Variants in XRN1 observed in about 807,000 individuals in gnomAD.
XRN1 encodes the protein 5'-3' exoribonuclease 1.
XRN1 carries 67 observed loss-of-function variants against 222.3 expected under a neutral mutation model. That is an observed-to-expected ratio of 0.30 (90% CI 0.25 to 0.37). The LOEUF is 0.37. Ranked by LOEUF, XRN1 falls within the 10% of genes least tolerant of loss-of-function variation. The pLI is 1.00. For synonymous variants in XRN1, 643 were observed against 652.4 expected (o/e 0.99, Z 0.22); for missense variants, 1,707 against 2,000.2 (o/e 0.85, Z 2.80).
chr3:142,423,743 A>C lies in XRN1; in HGVS notation c.628-101T>G, dbSNP rs1209613582. ...ACAATTCTATACAAGGAAGAATAAG[A>C]AACAATTAGCACATTAAATATACAA... is the stretch of plus-strand genomic sequence containing the variant. On this transcript the variant is annotated intron_variant, in intron 5 of 40. Coordinates refer to ENST00000392981, the MANE Select transcript of XRN1 (RefSeq NM_001282857.2). 9.6e-6 allele frequency: 8 copies of C among 830,946 alleles called. No individual in the cohort carries two copies. The East Asian group carries it at 2.3e-4, about 24-fold the overall frequency. The allele number at this position is 830,946 out of a possible 1,614,324, so 51.5% of individuals were successfully genotyped here.
intron 1 of XRN1, among the ~76,000 whole-genome samples, chr3:142,442,390 T>C (rs912134808): frequency 2.0e-5 from 3 of 152,154 alleles, no homozygotes; most frequent in Non-Finnish European, 2.9e-5. Context: ...GAAATGCTTA[T>C]AGAAGGACCC....
At chr3:142,416,865 C>T (rs1017082412) in intron 13 of XRN1, among the ~76,000 whole-genome samples, 4 of 151,840 alleles carry the variant, frequency 2.6e-5, no homozygotes, top group Admixed American at 1.3e-4. Flanking sequence ...AACACCATCT[C>T]TACTAAAAAT....
intron 20 of XRN1, among the ~76,000 whole-genome samples, chr3:142,391,746 AAAAAT>A (rs1475274013): frequency 5.3e-4 from 43 of 81,282 alleles, no homozygotes; most frequent in East Asian, 1.4e-3. Context: ...TAAAAAAAAA[AAAAAT>A]ATATATATAT....
rs1289452541 is a variant in XRN1, at chr3:142,308,133, AAC to A, written c.*3376_*3377del. 2 of 152,212 alleles carry A rather than the reference AAC, an allele frequency of 1.3e-5. No homozygotes were observed. The highest frequency in any genetic ancestry group is 2.9e-5 in the Non-Finnish European group (2 of 68,030). The allele number at this position is 152,212 out of a possible 1,614,324, so 9.4% of individuals were successfully genotyped here. A position where few individuals can be genotyped will look rare whatever the true frequency, so the allele number is the denominator to read the frequency against. ...AAGTAAAAATTAGACAACCACTATA[AAC>A]AGTTATGACTAACACAAATAGAACA... On this transcript the variant is annotated 3_prime_UTR_variant, in exon 41 of 41. Transcript: ENST00000392981.
chr3:142,332,997 T>A lies in XRN1; in HGVS notation c.4032A>T (p.Glu1344Asp). 6.2e-7 allele frequency: 1 copy of A among 1,613,880 alleles called. No homozygotes were observed. Among genetic ancestry groups the A allele is most frequent in the Non-Finnish European group, 8.5e-7 (1 of 1,179,868 alleles). ...CAAATGACTGTGGTGACAAATGCTC[T>A]TCACTTGGAGGCTCCCCATGATGAG... ...QSSHHGEPPS[E>D]EHLSPQSFAM... Residue 1344 changes from glutamate to aspartate, a missense_variant, in exon 35 of 41, where the codon GAA (glutamate) becomes GAT (aspartate). By Grantham distance (45) the Glu-to-Asp change is conservative. Transcript: ENST00000392981.
At chr3:142,442,974 C>G (rs937175149) in intron 1 of XRN1, among the ~76,000 whole-genome samples, 4 of 152,156 alleles carry the variant, frequency 2.6e-5, no homozygotes, top group Admixed American at 6.5e-5. Flanking sequence ...ACCTCGTGAT[C>G]CACCCGCCTC....
intron 20 of XRN1, among the ~76,000 whole-genome samples, chr3:142,387,098 T>G (rs2067532508): frequency 6.6e-6 from 1 of 151,716 alleles, no homozygotes; most frequent in Non-Finnish European, 1.5e-5. Flanking sequence ...AATGGAAAAA[T>G]TGTGCTGTAT....
At chr3:142,400,371 AT>A in intron 19 of XRN1, 72 bp downstream of exon 19, 1 of 1,265,198 alleles carries the variant, frequency 7.9e-7, no homozygotes, top group South Asian at 1.4e-5. Flanking sequence ...AGTTAAAAAA[AT>A]GAATCAATAA....
At chr3:142,382,330 CA>C (rs1301595433) in intron 22 of XRN1, among the ~76,000 whole-genome samples, 1 of 152,110 alleles carries the variant, frequency 6.6e-6, no homozygotes, top group African/African-American at 2.4e-5. Context: ...GCACTCTCTC[CA>C]AATTTACTTC....
At chr3:142,435,799 C>T (rs1401011772) in intron 1 of XRN1, among the ~76,000 whole-genome samples, 2 of 146,738 alleles carry the variant, frequency 1.4e-5, no homozygotes, top group African/African-American at 5.1e-5. Flanking sequence ...TGCAGTGGCT[C>T]ACGCCTGTAA....
At position 142,314,868 on chromosome 3, in the gene XRN1, G is replaced by A. The variant is rs916454464; in HGVS notation, c.4622-2110C>T. Reference sequence around the variant, plus strand: ...TGCAGTGAGCCCTGATCATGCCACTGCACTCCAGCCTGGGTGACAGAGTGG... The same window carrying A: ...TGCAGTGAGCCCTGATCATGCCACTACACTCCAGCCTGGGTGACAGAGTGG... On this transcript the variant is annotated intron_variant, in intron 39 of 40. Transcript: ENST00000392981. Among the ~76,000 whole-genome samples, 3 of 117,202 alleles carry A rather than the reference G, an allele frequency of 2.6e-5. No individual in the cohort carries two copies. In the Admixed American group the frequency reaches 3.5e-4, roughly 14 times the overall value. The allele number at this position is 117,202 out of a possible 152,430, so 76.9% of individuals were successfully genotyped here. A position where few individuals can be genotyped will look rare whatever the true frequency, so the allele number is the denominator to read the frequency against.
In XRN1 at chr3:142,356,863, T is replaced by G. The variant is rs1418567264; in HGVS notation, c.3672+49A>C. On this transcript the variant is annotated intron_variant, in intron 31 of 40. Transcript: ENST00000392981. ...TACATTTACAAAGTCTGCTGTGATT[T>G]GTGATTTGTAAAAGGGGTAGAGGAG... 9.7e-6 allele frequency: 15 copies of G among 1,552,804 alleles called. No homozygotes were observed. The East Asian group carries it at 2.9e-4, about 30-fold the overall frequency.
At chr3:142,357,496 A>G (rs1412130120) in intron 30 of XRN1, among the ~76,000 whole-genome samples, 2 of 152,010 alleles carry the variant, frequency 1.3e-5, no homozygotes, top group Non-Finnish European at 2.9e-5. Flanking sequence ...GCTATATCCT[A>G]ACTCACTGCA....
chr3:142,367,823 A>G (rs1435564033), intron 27 of XRN1, among the ~76,000 whole-genome samples: 10 of 152,004 alleles, frequency 6.6e-5, no homozygotes, highest in Admixed American at 6.6e-4. Context: ...CACCGTGCCC[A>G]GCCAACTACT....
chr3:142,435,325 G>C (rs1255660468), intron 1 of XRN1: 1 of 151,830 alleles, frequency 6.6e-6, no homozygotes, highest in Non-Finnish European at 1.5e-5. Context: ...GTGAACCCAG[G>C]AGGCGGAGCT....
chr3:142,329,341 C>A, intron 37 of XRN1, 93 bp downstream of exon 37: 1 of 861,892 alleles, frequency 1.2e-6, no homozygotes, highest in African/African-American at 1.8e-5. Context: ...AAAAATAGGC[C>A]CCATTTTATT....
At chr3:142,382,388 T>C (rs1042237119) in intron 22 of XRN1, among the ~76,000 whole-genome samples, 1 of 152,198 alleles carries the variant, frequency 6.6e-6, no homozygotes, top group African/African-American at 2.4e-5. Context: ...TATTTATCTT[T>C]TTACTGTCAC....
chr3:142,413,668 G>C (rs2068676199), intron 14 of XRN1, among the ~76,000 whole-genome samples: 1 of 152,128 alleles, frequency 6.6e-6, no homozygotes, highest in Admixed American at 6.6e-5. Flanking sequence ...ACCAAAGAAA[G>C]CTTTTTATTT....
chr3:142,362,699 CCTT>C (rs554009680), intron 29 of XRN1, among the ~76,000 whole-genome samples: 226 of 149,744 alleles, frequency 1.5e-3, no homozygotes, highest in African/African-American at 5.3e-3. Flanking sequence ...TCTCTCCCTC[CCTT>C]CTTTTCTTTC....
Sources: gnomAD v4.1 joint callset for allele counts (sites outside exome capture counted in the v4.1 genomes callset) on GRCh38, gnomAD v4.1.1 for gene constraint, MANE v1.5 for transcripts, NCBI Gene and HGNC (gene_info 2026-07-23, HGNC 2026-07-21) for gene names.